RAMP1: variants seen among roughly 807,000 people sequenced by gnomAD.
RAMP1 encodes the protein receptor activity modifying protein 1.
RAMP1 carries 7 observed loss-of-function variants against 8.2 expected under a neutral mutation model. That is an observed-to-expected ratio of 0.85 (90% CI 0.49 to 1.60). The LOEUF is 1.60. RAMP1 is among the 40% of genes most tolerant of loss of function. The pLI is 0.00. For missense variants in RAMP1, 192 were observed against 202.4 expected (o/e 0.95, Z 0.31); for synonymous variants, 92 against 84.7 (o/e 1.09, Z -0.47).
chr2:237,898,584 AC>A (rs2062566577), intron 2 of RAMP1, among the ~76,000 whole-genome samples: 1 of 152,174 alleles, frequency 6.6e-6, no homozygotes, highest in Non-Finnish European at 1.5e-5. Flanking sequence ...TTTTCATCAA[AC>A]AGTTAACAAG....
chr2:237,893,975 T>TTTC (rs2062512588), intron 2 of RAMP1, among the ~76,000 whole-genome samples: 1 of 143,720 alleles, frequency 7.0e-6, no homozygotes, highest in South Asian at 2.2e-4. Context: ...ACTTTCTTTT[T>TTTC]TTTTTTTTTT....
At chr2:237,906,028 AAAG>A (rs1480276133) in intron 2 of RAMP1, among the ~76,000 whole-genome samples, 1 of 151,570 alleles carries the variant, frequency 6.6e-6, no homozygotes, top group Non-Finnish European at 1.5e-5. Context: ...AAAAAAAAAA[AAAG>A]GCAGCATTCT....
At chr2:237,910,372 GAAT>G (rs1410530378) in intron 2 of RAMP1, among the ~76,000 whole-genome samples, 2 of 148,340 alleles carry the variant, frequency 1.3e-5, no homozygotes, top group Non-Finnish European at 3.0e-5. Flanking sequence ...CACACACAGA[GAAT>G]AACACAGTCA....
intron 2 of RAMP1, among the ~76,000 whole-genome samples, chr2:237,883,980 G>A: frequency 7.5e-6 from 1 of 134,094 alleles, no homozygotes; most frequent in South Asian, 2.3e-4. Flanking sequence ...CTGGGACCTT[G>A]GCTGCCCGGC....
At chr2:237,900,736 T>C (rs2062588686) in intron 2 of RAMP1, among the ~76,000 whole-genome samples, 1 of 152,208 alleles carries the variant, frequency 6.6e-6, no homozygotes, top group Non-Finnish European at 1.5e-5. Context: ...ATAAATGATC[T>C]TTCATTTCTA....
intron 2 of RAMP1, among the ~76,000 whole-genome samples, chr2:237,898,209 A>C (rs934178853): frequency 6.6e-6 from 1 of 152,334 alleles, no homozygotes; most frequent in Non-Finnish European, 1.5e-5. Context: ...TTAAATAGAT[A>C]AACCATAGTC....
chr2:237,859,810 G>A, intron 1 of RAMP1, 83 bp downstream of exon 1: 1 of 972,838 alleles, frequency 1.0e-6, no homozygotes. Flanking sequence ...GAGCGGGTGG[G>A]AGCGGGTGGG....
Position 237,877,863 on chromosome 2 carries a change from A to G in RAMP1, c.191+501A>G. 1.3e-6 allele frequency: 1 copy of G among 744,422 alleles called. No individual in the cohort carries two copies. The allele number at this position is 744,422 out of a possible 1,614,324, so 46.1% of individuals were successfully genotyped here. ...CCCCCAGCAGGACGGCTTCAGCCGA[A>G]CCCTTCCCCACCTGGCCCGATCCTC... is the stretch of plus-strand genomic sequence containing the variant. On this transcript the variant is annotated intron_variant, in intron 2 of 2. Transcript: ENST00000254661. The surrounding 1 kb of genome is among the most constrained non-coding windows in gnomAD (Gnocchi z 4.4).
At chr2:237,859,794 G>C (rs2062114488) in intron 1 of RAMP1, 67 bp downstream of exon 1, 2 of 1,391,210 alleles carry the variant, frequency 1.4e-6, no homozygotes, top group Non-Finnish European at 1.9e-6. Context: ...CTAGGGGAGA[G>C]GAGGGGAGCG....
chr2:237,874,456 C>T (rs1199119753), intron 1 of RAMP1, among the ~76,000 whole-genome samples: 1 of 152,224 alleles, frequency 6.6e-6, no homozygotes, highest in Non-Finnish European at 1.5e-5. Context: ...TGGGAGCCAC[C>T]AGGGTCCCTT....
At chr2:237,910,462 C>T (rs1052655517) in intron 2 of RAMP1, among the ~76,000 whole-genome samples, 1 of 151,782 alleles carries the variant, frequency 6.6e-6, no homozygotes, top group African/African-American at 2.4e-5. Context: ...CAGTCACACA[C>T]AGAGAATAAC....
In RAMP1 at chr2:237,859,649, G is replaced by A. The variant is rs2062112342; in HGVS notation, c.-27G>A. 17 of 1,444,232 alleles carry A rather than the reference G, an allele frequency of 1.2e-5. No individual in the cohort carries two copies. The highest frequency in any genetic ancestry group is 2.5e-5 in the Admixed American group (1 of 39,264). The allele number at this position is 1,444,232 out of a possible 1,614,324, so 89.5% of individuals were successfully genotyped here. ...GTCCTCAGCGGGGCGCGTGGCGAGC[G>A]GACTCGACTCGGCACCGCTGTGCAC... is the stretch of plus-strand genomic sequence containing the variant. On this transcript the variant is annotated 5_prime_UTR_variant, in exon 1 of 3. Coordinates refer to ENST00000254661, the MANE Select transcript of RAMP1 (RefSeq NM_005855.4).
At chr2:237,880,508 G>A (rs1033418488) in intron 2 of RAMP1, among the ~76,000 whole-genome samples, 1 of 152,178 alleles carries the variant, frequency 6.6e-6, no homozygotes, top group Non-Finnish European at 1.5e-5. Context: ...GTATGTGTGG[G>A]TGTACACACA....
At chr2:237,893,268 T>A (rs2062504103) in intron 2 of RAMP1, among the ~76,000 whole-genome samples, 1 of 152,360 alleles carries the variant, frequency 6.6e-6, no homozygotes, top group South Asian at 2.1e-4. Flanking sequence ...TGTATATTTT[T>A]AAAATCTGAC....
intron 2 of RAMP1, among the ~76,000 whole-genome samples, chr2:237,884,169 A>G (rs1237855122): frequency 6.6e-6 from 1 of 151,748 alleles, no homozygotes; most frequent in African/African-American, 2.4e-5. Flanking sequence ...GGTGTCTTCC[A>G]CTCAGCTACA....
chr2:237,868,046 CTTTT>C (rs796880429), intron 1 of RAMP1, among the ~76,000 whole-genome samples: 2 of 137,124 alleles, frequency 1.5e-5, no homozygotes, highest in Non-Finnish European at 3.2e-5. Flanking sequence ...GGTTTTCTGT[CTTTT>C]TTTTTTTTTT....
At chr2:237,868,590 CA>C (rs371059895) in intron 1 of RAMP1, among the ~76,000 whole-genome samples, 1,911 of 135,618 alleles carry the variant, frequency 0.014, 44 homozygotes, top group African/African-American at 0.044. Flanking sequence ...AAAAAAAAAA[CA>C]AAAAAAAAAA....
chr2:237,904,862 A>C (rs2062637763), intron 2 of RAMP1, among the ~76,000 whole-genome samples: 1 of 152,182 alleles, frequency 6.6e-6, no homozygotes, highest in South Asian at 2.1e-4. Flanking sequence ...ATTTGAACCC[A>C]GGTCTATGGG....
intron 2 of RAMP1, among the ~76,000 whole-genome samples, chr2:237,889,277 G>A (rs141961326): frequency 1.4e-3 from 216 of 152,306 alleles, no homozygotes; most frequent in African/African-American, 5.0e-3. Context: ...CGTCTCAATT[G>A]TGAGAGTCAT....
Sources: gnomAD v4.1 joint callset for allele counts (sites outside exome capture counted in the v4.1 genomes callset) on GRCh38, gnomAD v4.1.1 for gene constraint, Gnocchi (gnomAD v3.1) non-coding constraint, MANE v1.5 for transcripts, NCBI Gene and HGNC (gene_info 2026-07-23, HGNC 2026-07-21) for gene names.